CCDC18: variants seen among roughly 807,000 people sequenced by gnomAD.
CCDC18 encodes coiled-coil domain containing 18.
In CCDC18, 157 loss-of-function variants were observed where a neutral mutation model predicts 196.0. That is an observed-to-expected ratio of 0.80 (90% confidence interval 0.70 to 0.91). The LOEUF is 0.91. Among genes scored for constraint, CCDC18 ranks in the 40% least tolerant of loss-of-function variants. The probability of loss-of-function intolerance (pLI) is 0.00; values close to 1 mark genes in which losing one functional copy is unlikely to be tolerated. For synonymous variants in CCDC18, 482 were observed against 529.2 expected (o/e 0.91, Z 1.22); for missense variants, 1,465 against 1,611.6 (o/e 0.91, Z 1.56).
chr1:93,199,310 A>C (rs1653387938), intron 6 of CCDC18, among the ~76,000 whole-genome samples: 1 of 152,248 alleles, frequency 6.6e-6, no homozygotes, highest in Admixed American at 6.5e-5. Context: ...ATAGCCAGGC[A>C]TGCCGGCTGT....
intron 21 of CCDC18, among the ~76,000 whole-genome samples, chr1:93,240,995 T>C (rs1478809543): frequency 6.6e-6 from 1 of 152,180 alleles, no homozygotes; most frequent in African/African-American, 2.4e-5. Context: ...AGACAGATTC[T>C]TGCCCAGGTT....
At position 93,239,737 on chromosome 1, in the gene CCDC18, T is replaced by C; in HGVS notation, c.2822T>C (p.Leu941Ser). 1 of 1,613,812 alleles carries C rather than the reference T, an allele frequency of 6.2e-7. No homozygotes were observed. Among genetic ancestry groups the C allele is most frequent in the African/African-American group, 1.3e-5 (1 of 75,016 alleles). The change falls in exon 21 of 29, where the codon TTG becomes TCG. Residue 941 changes from leucine to serine, a missense_variant. Physicochemically the swap from Leu to Ser is moderately radical, Grantham distance 145. Coordinates refer to ENST00000690025, the MANE Select transcript of CCDC18 (RefSeq NM_001378204.1). ...HSTETELTEALQKREVLETEL... is the reference protein window; with the variant it reads ...HSTETELTEASQKREVLETEL... ...ACTGAAACTGAACTAACAGAAGCCTTGCAAAAACGGGAAGTACTTGAGACT... is the reference window on the plus strand; with the variant it reads ...ACTGAAACTGAACTAACAGAAGCCTCGCAAAAACGGGAAGTACTTGAGACT...
intron 23 of CCDC18, among the ~76,000 whole-genome samples, chr1:93,252,090 T>A (rs543506312): frequency 6.6e-6 from 1 of 152,198 alleles, no homozygotes; most frequent in South Asian, 2.1e-4. Flanking sequence ...AGAGGTGGAG[T>A]GCAGTGGCAC....
intron 27 of CCDC18, among the ~76,000 whole-genome samples, chr1:93,267,177 A>C (rs989442124): frequency 1.3e-5 from 2 of 152,162 alleles, no homozygotes; most frequent in African/African-American, 2.4e-5. Context: ...CACATGAACC[A>C]AACCAAAGAC....
intron 10 of CCDC18, among the ~76,000 whole-genome samples, 169 bp downstream of exon 10, chr1:93,211,095 T>C (rs954905460): frequency 2.6e-5 from 4 of 152,026 alleles, no homozygotes; most frequent in Non-Finnish European, 5.9e-5. Flanking sequence ...ACCAACATGG[T>C]GAAACCTCGT....
rs1035943236 is a variant in CCDC18, at chr1:93,217,736, A to T, written c.1831-2A>T. The T allele has an allele frequency of 3.8e-6, 6 of 1,597,430 alleles. No individual in the cohort carries two copies. The highest frequency in any genetic ancestry group is 4.3e-6 in the Non-Finnish European group (5 of 1,173,834). ...CTCCTTTAAAGTGTTTTGTGTTTCT[A>T]GGAAAAGAATGAAAAGATAAGGAGT... On this transcript the variant is annotated splice_acceptor_variant, in intron 13 of 28. Transcript: ENST00000690025. LOFTEE classifies it high-confidence loss of function.
intron 4 of CCDC18, chr1:93,191,052 G>T: frequency 1.2e-6 from 1 of 821,634 alleles, no homozygotes; most frequent in Non-Finnish European, 2.0e-6. Flanking sequence ...TTTTAGGAAT[G>T]TTCACCATGT....
chr1:93,201,238 G>C (rs1653780014), intron 6 of CCDC18, among the ~76,000 whole-genome samples: 1 of 152,178 alleles, frequency 6.6e-6, no homozygotes, highest in African/African-American at 2.4e-5. Flanking sequence ...GAAAGAATAT[G>C]ATGGGAATAG....
intron 27 of CCDC18, 22 bp from the exon 28 acceptor site, chr1:93,270,325 C>T (rs1294964723): frequency 7.1e-7 from 1 of 1,407,932 alleles, no homozygotes; most frequent in Admixed American, 2.1e-5. Context: ...TGAGCACCTA[C>T]TATGTACCAA....
chr1:93,187,335 A>G (rs1650880409), intron 4 of CCDC18, among the ~76,000 whole-genome samples: 1 of 152,076 alleles, frequency 6.6e-6, no homozygotes, highest in Non-Finnish European at 1.5e-5. Context: ...TCAGCACTCA[A>G]AAACAATTAC....
At chr1:93,236,478 T>G in intron 19 of CCDC18, 88 bp downstream of exon 19, 1 of 1,275,254 alleles carries the variant, frequency 7.8e-7, no homozygotes, top group Non-Finnish European at 1.1e-6. Flanking sequence ...AGTGGAGCAT[T>G]TGCTTGAGGA....
Position 93,186,494 on chromosome 1 carries a change from A to T in CCDC18, c.453A>T (p.Ser151=). 1 of 1,596,172 alleles carries T rather than the reference A, an allele frequency of 6.3e-7. No individual in the cohort carries two copies. Among genetic ancestry groups the T allele is most frequent in the South Asian group, 1.1e-5 (1 of 87,516 alleles). Residue 151 remains serine, a synonymous_variant, in exon 4 of 29, where the codon TCA becomes TCT. Coordinates refer to ENST00000690025, the MANE Select transcript of CCDC18 (RefSeq NM_001378204.1). ...FESIHFELTQ[S]RAKVSMLESA... ...CTATTCACTTTGAATTAACACAGTC[A>T]AGAGCAAAAGTATGTATCTTGAAAT...
chr1:93,265,171 G>A (rs1269686147), intron 27 of CCDC18, among the ~76,000 whole-genome samples: 4 of 152,130 alleles, frequency 2.6e-5, no homozygotes, highest in Non-Finnish European at 5.9e-5. Flanking sequence ...CCTAAAAAAA[G>A]GTAGAAACAT....
chr1:93,264,727 A>G lies in CCDC18; in HGVS notation c.3711A>G (p.Ala1237=), dbSNP rs760878538. The G allele has an allele frequency of 2.5e-5, 40 of 1,612,494 alleles. No individual in the cohort carries two copies. The highest frequency in any genetic ancestry group is 3.2e-5 in the Non-Finnish European group (38 of 1,178,886). Residue 1237 remains alanine (A), a synonymous_variant, in exon 27 of 29, where the codon GCA becomes GCG. Transcript: ENST00000690025. ...MEMISHQENH[A]KWKISADSQK... is the part of the protein sequence containing the mutation. ...TGATTTCACATCAAGAGAACCATGC[A>G]AAGTGGAAGATTTCTGCTGACTCTC...
chr1:93,248,993 AAT>A (rs1306209513), intron 23 of CCDC18, among the ~76,000 whole-genome samples: 6 of 149,138 alleles, frequency 4.0e-5, no homozygotes, highest in African/African-American at 9.9e-5. Context: ...AAAAAAAAAA[AAT>A]GTTCCCTCCT....
chr1:93,276,254 G>A (rs1407229072), intron 28 of CCDC18, among the ~76,000 whole-genome samples: 1 of 152,172 alleles, frequency 6.6e-6, no homozygotes. Context: ...AAGTACGTTG[G>A]CACTTCCATT....
At chr1:93,252,200 G>A (rs1479258169) in intron 23 of CCDC18, among the ~76,000 whole-genome samples, 1 of 151,926 alleles carries the variant, frequency 6.6e-6, no homozygotes, top group Non-Finnish European at 1.5e-5. Flanking sequence ...GCCACACCTG[G>A]CTAATTAAAA....
intron 16 of CCDC18, among the ~76,000 whole-genome samples, chr1:93,222,623 T>C (rs1011332152): frequency 9.9e-5 from 15 of 152,184 alleles, no homozygotes; most frequent in Non-Finnish European, 1.8e-4. Context: ...TTCAAGTGCT[T>C]ACCCACTCAC....
chr1:93,255,488 T>C (rs1662829618), intron 24 of CCDC18, among the ~76,000 whole-genome samples: 1 of 152,120 alleles, frequency 6.6e-6, no homozygotes, highest in Admixed American at 6.6e-5. Flanking sequence ...CCCAGCATTT[T>C]GGGAGGCCAA....
Sources: gnomAD v4.1 joint callset for allele counts (sites outside exome capture counted in the v4.1 genomes callset) on GRCh38, gnomAD v4.1.1 for gene constraint, MANE v1.5 for transcripts, NCBI Gene and HGNC (gene_info 2026-07-23, HGNC 2026-07-21) for gene names.